The following KCNJ13 variants were observed in gnomAD, a reference collection of about 807,000 sequenced individuals.
The protein encoded by KCNJ13 is potassium inwardly rectifying channel subfamily J member 13, also known as inward rectifier potassium channel 13.
In KCNJ13, 9 loss-of-function variants were observed where a neutral mutation model predicts 24.6. That is an observed-to-expected ratio of 0.37 (90% CI 0.22 to 0.64). KCNJ13 has a LOEUF of 0.64. Ranked by LOEUF, KCNJ13 falls within the 30% of genes least tolerant of loss-of-function variation. KCNJ13 has a pLI of 0.64. For missense variants in KCNJ13, 337 were observed against 443.8 expected, an observed-to-expected ratio of 0.76 and a Z score of 2.16; for synonymous variants, 148 against 154.7, an observed-to-expected ratio of 0.96 and a Z score of 0.32.
rs1402574201 is a variant in KCNJ13, at chr2:232,776,490, G to A, written c.-62C>T. On this transcript the variant is annotated 5_prime_UTR_variant, in exon 1 of 3. Transcript: ENST00000233826. Reference sequence around the variant, plus strand: ...CCTTTATGCCAAGGTAGGTCTTAAGGAAATTTACAGAGTCTGCCTTTTTGA... The same window carrying A: ...CCTTTATGCCAAGGTAGGTCTTAAGAAAATTTACAGAGTCTGCCTTTTTGA... 1 of 1,472,512 alleles carries A rather than the reference G, an allele frequency of 6.8e-7. No homozygotes were observed. The highest frequency in any genetic ancestry group is 9.5e-7 in the Non-Finnish European group (1 of 1,058,150). 91.2% of individuals were successfully genotyped at this position (1,472,512 alleles called of 1,614,324 possible). A position where few individuals can be genotyped will look rare whatever the true frequency, so the allele number is the denominator to read the frequency against.
In KCNJ13 at chr2:232,767,057, TA is replaced by T. The variant is rs1227824113; in HGVS notation, c.*1133del. On this transcript the variant is annotated 3_prime_UTR_variant, in exon 3 of 3. Coordinates refer to ENST00000233826, the MANE Select transcript of KCNJ13 (RefSeq NM_002242.4). ...AGGGCTCATTTTAGCATAGATAAAA[TA>T]AAAAACAGAGGAAACATAATTTTTA... 1 of 152,036 alleles carries T rather than the reference TA, an allele frequency of 6.6e-6. No individual in the cohort carries two copies. The highest frequency in any genetic ancestry group is 2.4e-5 in the African/African-American group (1 of 41,402). The allele number at this position is 152,036 out of a possible 1,614,324, so 9.4% of individuals were successfully genotyped here.
chr2:232,773,316 T>G (rs1699350355), intron 1 of KCNJ13, among the ~76,000 whole-genome samples: 3 of 152,212 alleles, frequency 2.0e-5, no homozygotes, highest in Admixed American at 2.0e-4. Flanking sequence ...GTATTATCTC[T>G]TAATTCTTCA....
chr2:232,774,515 G>A (rs935481444), intron 1 of KCNJ13, among the ~76,000 whole-genome samples: 1 of 152,094 alleles, frequency 6.6e-6, no homozygotes, highest in African/African-American at 2.4e-5. Flanking sequence ...TGCCAGATGA[G>A]AAGACAATTT....
rs774380473 is a variant in KCNJ13, at chr2:232,768,218, C to G, written c.1056G>C (p.Gln352His). The change falls in exon 3 of 3, where the codon CAG becomes CAC. Residue 352 changes from glutamine (Q) to histidine (H), a missense_variant. Physicochemically the swap from Gln to His is conservative, Grantham distance 24. Around this residue, in one of 3 missense-constraint regions of KCNJ13, gnomAD observed 235 missense variants for 286.9 expected, o/e 0.82. Transcript: ENST00000233826. ...HINGQSIDNF[Q>H]ISETGLTE is the part of the protein sequence containing the mutation. ...ATTCTGTCAGTCCTGTTTCAGAGAT[C>G]TGAAAATTGTCAATGCTTTGTCCAT... is the stretch of plus-strand genomic sequence containing the variant. The G allele has an allele frequency of 7.4e-6, 12 of 1,613,992 alleles. No individual in the cohort carries two copies. In the South Asian group the frequency reaches 1.2e-4, roughly 16 times the overall value.
At chr2:232,769,093 A>G (rs1191216848) in intron 2 of KCNJ13, among the ~76,000 whole-genome samples, 1 of 152,202 alleles carries the variant, frequency 6.6e-6, no homozygotes, top group Admixed American at 6.5e-5. Flanking sequence ...ACAAAGTCAA[A>G]GAATTGGTCA....
chr2:232,775,226 G>T (rs1050234753), intron 1 of KCNJ13, among the ~76,000 whole-genome samples: 3 of 152,082 alleles, frequency 2.0e-5, no homozygotes, highest in Non-Finnish European at 4.4e-5. Flanking sequence ...TGTAGAGAAC[G>T]CAGGATAAGG....
chr2:232,772,613 A>G (rs976939968), intron 1 of KCNJ13, among the ~76,000 whole-genome samples: 2 of 152,202 alleles, frequency 1.3e-5, no homozygotes, highest in African/African-American at 2.4e-5. Flanking sequence ...CTTGCGTATG[A>G]CAAAGGTGTC....
In KCNJ13 at chr2:232,776,560, T is replaced by A; in HGVS notation, c.-132A>T. On this transcript the variant is annotated 5_prime_UTR_variant, in exon 1 of 3. Coordinates refer to ENST00000233826, the MANE Select transcript of KCNJ13 (RefSeq NM_002242.4). ...AAGTCTAGTTTGTAGGTTCTCTTCT[T>A]GGACTGGTTTTACAGCTTACATTCC... 1.2e-6 allele frequency: 1 copy of A among 805,310 alleles called. No individual in the cohort carries two copies. The highest frequency in any genetic ancestry group is 2.1e-6 in the Non-Finnish European group (1 of 467,658). The allele number at this position is 805,310 out of a possible 1,614,324, so 49.9% of individuals were successfully genotyped here.
chr2:232,769,701 C>T (rs1699151160), intron 2 of KCNJ13, among the ~76,000 whole-genome samples: 1 of 152,038 alleles, frequency 6.6e-6, no homozygotes, highest in Non-Finnish European at 1.5e-5. Flanking sequence ...TTTTGTGCCA[C>T]AGATTTTGTT....
chr2:232,769,505 CAAAAAA>C (rs34912964), intron 2 of KCNJ13, among the ~76,000 whole-genome samples: 2 of 66,538 alleles, frequency 3.0e-5, no homozygotes, highest in South Asian at 6.3e-4. Flanking sequence ...GACTCCATCT[CAAAAAA>C]AAAAAAAAAA....
In KCNJ13 at chr2:232,768,260, G is replaced by C; in HGVS notation, c.1014C>G (p.Asp338Glu). ...PLVSKSPNRTDLDIHINGQSI... is the reference protein window; with the variant it reads ...PLVSKSPNRTELDIHINGQSI... Reference sequence around the variant, plus strand: ...TTTGTCCATTGATGTGGATATCCAGGTCAGTCCTGTTTGGGCTTTTAGAAA... The same window carrying C: ...TTTGTCCATTGATGTGGATATCCAGCTCAGTCCTGTTTGGGCTTTTAGAAA... Residue 338 changes from aspartate to glutamate, a missense_variant, in exon 3 of 3, where the codon GAC becomes GAG. Physicochemically the swap from Asp to Glu is conservative, Grantham distance 45. Coordinates refer to ENST00000233826, the MANE Select transcript of KCNJ13 (RefSeq NM_002242.4). 4 of 1,613,876 alleles carry C rather than the reference G, an allele frequency of 2.5e-6. No homozygotes were observed. The highest frequency in any genetic ancestry group is 2.5e-6 in the Non-Finnish European group (3 of 1,179,780).
intron 1 of KCNJ13, among the ~76,000 whole-genome samples, chr2:232,773,518 A>G (rs2106343103): frequency 1.3e-5 from 2 of 152,254 alleles, no homozygotes; most frequent in South Asian, 4.1e-4. Flanking sequence ...CAGTCTTTCC[A>G]AAAATGATTG....
chr2:232,768,242 A>G lies in KCNJ13; in HGVS notation c.1032T>C (p.Asn344=), dbSNP rs570363677. ...PNRTDLDIHI[N]GQSIDNFQIS... Reference sequence around the variant, plus strand: ...TCTGAAAATTGTCAATGCTTTGTCCATTGATGTGGATATCCAGGTCAGTCC... The same window carrying G: ...TCTGAAAATTGTCAATGCTTTGTCCGTTGATGTGGATATCCAGGTCAGTCC... Residue 344 remains asparagine, a synonymous_variant, in exon 3 of 3, where the codon AAT becomes AAC. Coordinates refer to ENST00000233826, the MANE Select transcript of KCNJ13 (RefSeq NM_002242.4). The G allele has an allele frequency of 2.5e-6, 4 of 1,614,094 alleles. No individual in the cohort carries two copies. The highest frequency in any genetic ancestry group is 4.5e-5 in the East Asian group (2 of 44,878).
intron 2 of KCNJ13, 88 bp from the exon 3 acceptor site, chr2:232,768,901 A>G: frequency 5.0e-6 from 6 of 1,205,578 alleles, no homozygotes; most frequent in Non-Finnish European, 7.0e-6. Flanking sequence ...TCAAATATTT[A>G]CACATTTCTT....
Position 232,768,099 on chromosome 2 carries a change from A to G in KCNJ13, c.*92T>C. The stretch of plus-strand genomic sequence containing the variant: ...TACCGTGATGTAGAGAGCTATAATT[A>G]GCATTGAAAAAAGAAAACATGAGAT... On this transcript the variant is annotated 3_prime_UTR_variant, in exon 3 of 3. Coordinates refer to ENST00000233826, the MANE Select transcript of KCNJ13 (RefSeq NM_002242.4). 1.6e-6 allele frequency: 2 copies of G among 1,256,272 alleles called. No homozygotes were observed. The highest frequency in any genetic ancestry group is 2.3e-6 in the Non-Finnish European group (2 of 863,336). 77.8% of individuals were successfully genotyped at this position (1,256,272 alleles called of 1,614,324 possible). A position where few individuals can be genotyped will look rare whatever the true frequency, so the allele number is the denominator to read the frequency against.
chr2:232,775,852 A>G (rs1190795623), intron 1 of KCNJ13, among the ~76,000 whole-genome samples: 6 of 152,214 alleles, frequency 3.9e-5, no homozygotes, highest in African/African-American at 7.2e-5. Context: ...CTTTAAGACT[A>G]TATTGAAAGT....
intron 1 of KCNJ13, among the ~76,000 whole-genome samples, chr2:232,771,863 A>C (rs1017717493): frequency 6.6e-6 from 1 of 152,238 alleles, no homozygotes; most frequent in African/African-American, 2.4e-5. Context: ...GCTTATTATT[A>C]AACTGTCTGC....
chr2:232,776,503 T>G lies in KCNJ13; in HGVS notation c.-75A>C, dbSNP rs1466616920. The G allele has an allele frequency of 7.4e-7, 1 of 1,359,028 alleles. No homozygotes were observed. Among genetic ancestry groups the G allele is most frequent in the East Asian group, 2.3e-5 (1 of 43,206 alleles). The allele number at this position is 1,359,028 out of a possible 1,614,324, so 84.2% of individuals were successfully genotyped here. ...GTAGGTCTTAAGGAAATTTACAGAG[T>G]CTGCCTTTTTGATCAGATAATTTTA... On this transcript the variant is annotated 5_prime_UTR_variant, in exon 1 of 3. Coordinates refer to ENST00000233826, the MANE Select transcript of KCNJ13 (RefSeq NM_002242.4).
chr2:232,771,404 C>T (rs1192945404), intron 1 of KCNJ13, 26 bp from the exon 2 acceptor site: 1 of 1,416,666 alleles, frequency 7.1e-7, no homozygotes, highest in Non-Finnish European at 9.9e-7. Flanking sequence ...AATTAGTAAG[C>T]TCTTAACTGT....
Sources: allele counts gnomAD v4.1 joint callset (sites outside exome capture counted in the v4.1 genomes callset), GRCh38; gene constraint gnomAD v4.1.1; regional missense constraint gnomAD v4.1.1; transcripts MANE v1.5; gene names NCBI Gene and HGNC (gene_info 2026-07-23, HGNC 2026-07-21).